UBR2: variants seen among roughly 807,000 people sequenced by gnomAD.
UBR2 encodes the protein ubiquitin protein ligase E3 component n-recognin 2.
Under a neutral mutation model 247.9 loss-of-function variants are expected in UBR2, and 92 were observed. That is an observed-to-expected ratio of 0.37 (90% CI 0.31 to 0.44). UBR2 has a LOEUF of 0.44. Ranked by LOEUF, UBR2 falls within the 20% of genes least tolerant of loss-of-function variation. The pLI is 1.00. For synonymous variants in UBR2, 672 were observed against 693.5 expected, an observed-to-expected ratio of 0.97 and a Z score of 0.49; for missense variants, 1,613 against 2,112.6, an observed-to-expected ratio of 0.76 and a Z score of 4.64.
intron 11 of UBR2, among the ~76,000 whole-genome samples, chr6:42,621,476 T>G (rs1054188476): frequency 1.5e-4 from 23 of 152,156 alleles, no homozygotes; most frequent in African/African-American, 2.2e-4. Flanking sequence ...TTGTTTGTTT[T>G]TTTGAGATGG....
At chr6:42,571,736 C>CAAAAAAAAAA (rs55993422) in intron 1 of UBR2, among the ~76,000 whole-genome samples, 1 of 82,150 alleles carries the variant, frequency 1.2e-5, no homozygotes, top group African/African-American at 4.7e-5. Context: ...GCACGAGACT[C>CAAAAAAAAAA]AAAAAAAAAA....
At chr6:42,581,145 C>A (rs73438621) in intron 2 of UBR2, among the ~76,000 whole-genome samples, 1,992 of 150,974 alleles carry the variant, frequency 0.013, 37 homozygotes, top group African/African-American at 0.047. Context: ...TCCCAAATAG[C>A]TAGGATCACA....
At chr6:42,602,232 G>A (rs147890114) in intron 4 of UBR2, among the ~76,000 whole-genome samples, 3,450 of 144,978 alleles carry the variant, frequency 0.024, 121 homozygotes, top group African/African-American at 0.083. Context: ...ACAGAGTCTC[G>A]CTCTGTCACT....
chr6:42,640,375 A>T, intron 16 of UBR2, 105 bp downstream of exon 16: 1 of 682,034 alleles, frequency 1.5e-6, no homozygotes, highest in Non-Finnish European at 2.4e-6. Context: ...GAGGAACAGA[A>T]CCAGTAAGGT....
Position 42,659,681 on chromosome 6 carries a change from A to G in UBR2, c.3268A>G (p.Thr1090Ala). Residue 1090 changes from threonine to alanine, a missense_variant, in exon 30 of 47, where the codon ACA (threonine) becomes GCA (alanine). Transcript: ENST00000372901. This position sits in a 1 kb window ranked among gnomAD's most constrained non-coding sequence, Gnocchi z 4.3. ...CCCTGTGGCTTCAGATATGACACTT[A>G]CAGCACTGGGCCCCGCACAAACTCA... ...HSPVASDMTL[T>A]ALGPAQTQVP... 6.2e-7 allele frequency: 1 copy of G among 1,613,942 alleles called. No individual in the cohort carries two copies.
intron 21 of UBR2, 117 bp from the exon 22 acceptor site, chr6:42,648,001 A>G (rs547349395): frequency 1.6e-6 from 1 of 641,524 alleles, no homozygotes; most frequent in Admixed American, 2.8e-5. Context: ...ATCTGTAAAA[A>G]TGGAGATAAG....
chr6:42,617,561 A>G, intron 11 of UBR2, 54 bp downstream of exon 11: 2 of 1,472,400 alleles, frequency 1.4e-6, no homozygotes, highest in Non-Finnish European at 1.9e-6. Context: ...CAGAGGCCTT[A>G]AAATAATAGA....
intron 1 of UBR2, among the ~76,000 whole-genome samples, chr6:42,567,780 A>T (rs1043164729): frequency 2.0e-5 from 3 of 152,200 alleles, no homozygotes; most frequent in African/African-American, 7.2e-5. Flanking sequence ...TCATGCCAGT[A>T]ATCCCAGCTA....
chr6:42,632,876 C>T lies in UBR2; in HGVS notation c.1517C>T (p.Ala506Val). The T allele has an allele frequency of 6.3e-7, 1 of 1,592,616 alleles. No individual in the cohort carries two copies. The highest frequency in any genetic ancestry group is 8.5e-7 in the Non-Finnish European group (1 of 1,173,578). The change falls in exon 13 of 47, where the codon GCC becomes GTC. Residue 506 changes from alanine (A) to valine (V), a missense_variant. Physicochemically the swap from Ala to Val is moderately conservative, Grantham distance 64. Around this residue, in one of 3 missense-constraint regions of UBR2, gnomAD observed 1,524 missense variants for 1,967.3 expected, o/e 0.77. Coordinates refer to ENST00000372901, the MANE Select transcript of UBR2 (RefSeq NM_001363705.2). ...LRQKFLEGFD[A>V]FLELLKCMQG... ...CAGAAGTTCCTAGAAGGGTTTGATG[C>T]CTTTTTGGAATTACTAAAATGTATG...
At chr6:42,688,130 G>T in intron 44 of UBR2, 86 bp from the exon 45 acceptor site, 1 of 1,533,688 alleles carries the variant, frequency 6.5e-7, no homozygotes, top group South Asian at 1.1e-5. Context: ...TGATATTGCA[G>T]AATTCTTTTC....
At chr6:42,667,489 G>A (rs1798171706) in intron 34 of UBR2, among the ~76,000 whole-genome samples, 1 of 149,882 alleles carries the variant, frequency 6.7e-6, no homozygotes, top group African/African-American at 2.5e-5. Context: ...CACAATTTTT[G>A]GTTAAATCTA....
chr6:42,657,794 A>G (rs1797526034), intron 26 of UBR2, among the ~76,000 whole-genome samples: 1 of 152,226 alleles, frequency 6.6e-6, no homozygotes. Flanking sequence ...ATCATTTGCT[A>G]TAAAAAGTCA....
chr6:42,614,439 C>CGTACATACATACGTATATATGTAGGTAT (rs1562312402), intron 8 of UBR2, among the ~76,000 whole-genome samples: 1 of 91,996 alleles, frequency 1.1e-5, no homozygotes, highest in Non-Finnish European at 2.3e-5. Flanking sequence ...TATGTATGTA[C>CGTACATACATACGTATATATGTAGGTAT]GTACATATAT....
chr6:42,691,405 G>C lies in UBR2; in HGVS notation c.*232G>C, dbSNP rs778394538. 1 of 539,648 alleles carries C rather than the reference G, an allele frequency of 1.9e-6. No homozygotes were observed. The highest frequency in any genetic ancestry group is 3.2e-6 in the Non-Finnish European group (1 of 310,852). The allele number at this position is 539,648 out of a possible 1,614,324, so 33.4% of individuals were successfully genotyped here. On this transcript the variant is annotated 3_prime_UTR_variant, in exon 47 of 47. Transcript: ENST00000372901. ...GTCTTGGGTTTTAAGATCGAGCAAG[G>C]AGCTTCTCTTCCTAGATTGGATCCC...
At chr6:42,678,728 T>C in intron 41 of UBR2, 59 bp downstream of exon 41, 1 of 1,539,084 alleles carries the variant, frequency 6.5e-7, no homozygotes, top group South Asian at 1.2e-5. Context: ...CTCCAGCAAA[T>C]ATAAAGATCA....
At chr6:42,652,438 G>T in intron 24 of UBR2, 53 bp from the exon 25 acceptor site, 2 of 1,536,946 alleles carry the variant, frequency 1.3e-6, no homozygotes, top group Non-Finnish European at 1.8e-6. Flanking sequence ...CAAAGAGATA[G>T]TTTCTAAAGC....
chr6:42,685,889 G>T (rs1799358708), intron 44 of UBR2, among the ~76,000 whole-genome samples: 2 of 151,530 alleles, frequency 1.3e-5, no homozygotes, highest in African/African-American at 2.4e-5. Flanking sequence ...AAAAAAAGAA[G>T]AATATAATAA....
intron 17 of UBR2, 53 bp downstream of exon 17, chr6:42,641,745 GA>G: frequency 6.8e-7 from 1 of 1,478,648 alleles, no homozygotes; most frequent in Non-Finnish European, 9.3e-7. Flanking sequence ...TGGCTTCTGT[GA>G]AGGTTGTAAT....
At position 42,569,612 on chromosome 6, in the gene UBR2, A is replaced by G. The variant is rs866898787; in HGVS notation, c.79-4122A>G. Among the ~76,000 whole-genome samples the G allele has an allele frequency of 3.3e-5, 5 of 152,292 alleles. 1 individual carries two copies. The South Asian group carries it at 1.0e-3, about 32-fold the overall frequency. ...CTTAAACACTATTGTTTTTATGGTT[A>G]TGAGCACTAGTTGTTTTATGATTAA... On this transcript the variant is annotated intron_variant, in intron 1 of 46. Transcript: ENST00000372901.
Sources: allele counts gnomAD v4.1 joint callset (sites outside exome capture counted in the v4.1 genomes callset), GRCh38; gene constraint gnomAD v4.1.1; regional missense constraint gnomAD v4.1.1; non-coding constraint Gnocchi (gnomAD v3.1); transcripts MANE v1.5; gene names NCBI Gene and HGNC (gene_info 2026-07-23, HGNC 2026-07-21).